The following ACRBP variants were observed in gnomAD, a reference collection of about 807,000 sequenced individuals.
ACRBP encodes the protein acrosin binding protein, also known as acrosin-binding protein.
A neutral mutation model predicts 69.0 loss-of-function variants in ACRBP; 52 were observed. The ratio of observed to expected loss-of-function variants is 0.75; its 90% CI spans 0.60 to 0.95. ACRBP has a LOEUF of 0.95. Among genes scored for constraint, ACRBP ranks in the 40% least tolerant of loss-of-function variants. ACRBP has a pLI of 0.00. For synonymous variants in ACRBP, 267 were observed against 258.9 expected (o/e 1.03, Z -0.30); for missense variants, 604 against 673.0 (o/e 0.90, Z 1.13).
At chr12:6,641,417 T>C (rs545522177) in intron 6 of ACRBP, among the ~76,000 whole-genome samples, 5 of 152,198 alleles carry the variant, frequency 3.3e-5, no homozygotes, top group African/African-American at 4.8e-5. Flanking sequence ...GAAATCTTTA[T>C]TGGATTCCCC....
rs780523464 is a variant in ACRBP, at chr12:6,646,463, A to G, written c.357+20T>C. 29 of 1,611,656 alleles carry G rather than the reference A, an allele frequency of 1.8e-5. 1 individual carries two copies. The Admixed American group carries it at 4.7e-4, about 26-fold the overall frequency. On this transcript the variant is annotated intron_variant, in intron 3 of 9. Coordinates refer to ENST00000229243, the MANE Select transcript of ACRBP (RefSeq NM_032489.3). ...CCTTGGCCCTGGGGCACCAAATCCA[A>G]CCTTTGTCCTGGGCCTCACCTTGGC...
chr12:6,644,399 C>A lies in ACRBP; in HGVS notation c.682G>T (p.Glu228Ter). Residue 228 changes from glutamate (E) to a stop codon, truncating the protein, a stop_gained, in exon 5 of 10, where the codon GAG (glutamate) becomes TAG (stop). Transcript: ENST00000229243. LOFTEE classifies it high-confidence loss of function. ...KQEEQEEEQEEEGKQEEGQGT... is the reference protein window; with the variant it reads ...KQEEQEEEQE ...TGTCCTTCTTCCTGCTTTCCCTCCT[C>A]TTCCTGTTCCTCTTCTTGCTCTTCC... is the stretch of plus-strand genomic sequence containing the variant. The A allele has an allele frequency of 1.9e-6, 3 of 1,614,084 alleles. No individual in the cohort carries two copies. The highest frequency in any genetic ancestry group is 1.7e-6 in the Non-Finnish European group (2 of 1,179,986).
At position 6,640,435 on chromosome 12, in the gene ACRBP, C is replaced by A; in HGVS notation, c.1165G>T (p.Ala389Ser). 1 of 1,614,154 alleles carries A rather than the reference C, an allele frequency of 6.2e-7. No homozygotes were observed. Among genetic ancestry groups the A allele is most frequent in the Non-Finnish European group, 8.5e-7 (1 of 1,180,014 alleles). The stretch of plus-strand genomic sequence containing the variant: ...TCGCATTGTTGCCGCTGCAGGCTGG[C>A]CTCTGAGTGGCACTGCTCCAGCTTC... ...SLKLEQCHSE[A>S]SLQRQQCDTS... is the part of the protein sequence containing the mutation. Residue 389 changes from alanine to serine, a missense_variant, in exon 7 of 10, where the codon GCC (alanine) becomes TCC (serine). Ala to Ser is a moderately conservative substitution (Grantham distance 99). This residue lies in a region of ACRBP where 532 missense variants were observed against 562.9 expected (regional missense o/e 0.95). Transcript: ENST00000229243. This position sits in a 1 kb window ranked among gnomAD's most constrained non-coding sequence, Gnocchi z 5.3.
At chr12:6,638,448 G>C in intron 9 of ACRBP, 44 bp from the exon 10 acceptor site, 1 of 1,612,526 alleles carries the variant, frequency 6.2e-7, no homozygotes, top group Non-Finnish European at 8.5e-7. Flanking sequence ...ACAGAGCCAG[G>C]TGCCAGGAGT....
At chr12:6,643,188 G>A (rs1949065502) in intron 6 of ACRBP, among the ~76,000 whole-genome samples, 1 of 152,124 alleles carries the variant, frequency 6.6e-6, no homozygotes, top group African/African-American at 2.4e-5. Flanking sequence ...AGCCCAGGTG[G>A]TCAAGGCTGC....
chr12:6,645,165 G>T, intron 4 of ACRBP, 55 bp downstream of exon 4: 2 of 1,386,576 alleles, frequency 1.4e-6, no homozygotes, highest in Non-Finnish European at 2.0e-6. Context: ...TACGTTGTGG[G>T]CTCTGGGAGT....
rs777709026 is a variant in ACRBP at position 6,640,182 on chromosome 12, C to T, written c.1303G>A (p.Gly435Ser). The T allele has an allele frequency of 2.0e-5, 33 of 1,614,034 alleles. No individual in the cohort carries two copies. The highest frequency in any genetic ancestry group is 1.3e-4 in the South Asian group (12 of 91,084). Residue 435 changes from glycine to serine, a missense_variant, in exon 8 of 10, where the codon GGT becomes AGT. Transcript: ENST00000229243. This position sits in a 1 kb window ranked among gnomAD's most constrained non-coding sequence, Gnocchi z 5.3. Reference sequence around the variant, plus strand: ...CACCAGAAGTCCATGTGGAGCCCACCGTACAAATCCAGCCCGTAAAAGCGG... The same window carrying T: ...CACCAGAAGTCCATGTGGAGCCCACTGTACAAATCCAGCCCGTAAAAGCGG... ...SGRFYGLDLYGGLHMDFWCAR... is the reference protein window; with the variant it reads ...SGRFYGLDLYSGLHMDFWCAR...
In ACRBP at chr12:6,638,290, A is replaced by T. The variant is rs1210236089; in HGVS notation, c.1624T>A (p.Phe542Ile). The T allele has an allele frequency of 6.2e-7, 1 of 1,613,972 alleles. No homozygotes were observed. The highest frequency in any genetic ancestry group is 1.3e-5 in the African/African-American group (1 of 74,900). The stretch of plus-strand genomic sequence containing the variant: ...GCAGAATAGACGCCAGCTCATCCGA[A>T]CTGGCCTAGAGTCAAGGTGCTGAAC... ...QEFSTLTLGQFG is the reference protein window; with the variant it reads ...QEFSTLTLGQIG Residue 542 changes from phenylalanine (F) to isoleucine (I), a missense_variant, in exon 10 of 10, where the codon TTC (phenylalanine) becomes ATC (isoleucine). Phe to Ile is a conservative substitution (Grantham distance 21, BLOSUM62 0). Transcript: ENST00000229243.
Position 6,646,965 on chromosome 12 carries a change from C to G in ACRBP, c.91G>C (p.Ala31Pro). The G allele has an allele frequency of 1.2e-6, 2 of 1,613,014 alleles. No individual in the cohort carries two copies. The highest frequency in any genetic ancestry group is 2.2e-5 in the South Asian group (2 of 91,076). The stretch of plus-strand genomic sequence containing the variant: ...GAGAGAGGGCTGCCTGGAGTGGAGG[C>G]CTGAGTCGAATCCTGGGCTGCGGCA... ...APAAAQDSTQASTPGSPLSPT... is the reference protein window; with the variant it reads ...APAAAQDSTQPSTPGSPLSPT... Residue 31 changes from alanine (A) to proline (P), a missense_variant, in exon 2 of 10, where the codon GCC (alanine) becomes CCC (proline). Around this residue, in one of 3 missense-constraint regions of ACRBP, gnomAD observed 532 missense variants for 562.9 expected, o/e 0.95. Transcript: ENST00000229243.
chr12:6,641,839 G>A (rs1949055298), intron 6 of ACRBP, among the ~76,000 whole-genome samples: 2 of 152,140 alleles, frequency 1.3e-5, no homozygotes, highest in South Asian at 2.1e-4. Context: ...CATGAGCCCA[G>A]GAGTTTGAGA....
rs1949044163 is a variant in ACRBP, at chr12:6,640,365, TG to T, written c.1234del (p.Gln412ArgfsTer9). On this transcript the variant is annotated frameshift_variant, in exon 7 of 10. Coordinates refer to ENST00000229243, the MANE Select transcript of ACRBP (RefSeq NM_032489.3). LOFTEE classifies it high-confidence loss of function. The surrounding 1 kb of genome is among the most constrained non-coding windows in gnomAD (Gnocchi z 5.3). ...TPFVSPLLAS[Q>X]SLSIGNQVGS... ...TACCTGGTTGCCGATGGACAGGCTCTGGGAGGCAAGCAAGGGGCTGACAAAG... is the reference window on the plus strand; with the variant it reads ...TACCTGGTTGCCGATGGACAGGCTCTGGAGGCAAGCAAGGGGCTGACAAAG... The T allele has an allele frequency of 6.2e-7, 1 of 1,613,976 alleles. No homozygotes were observed. Among genetic ancestry groups the T allele is most frequent in the Non-Finnish European group, 8.5e-7 (1 of 1,180,010 alleles).
Position 6,646,999 on chromosome 12 carries a change from A to G in ACRBP, c.57T>C (p.Pro19=), listed in dbSNP as rs763551765. The G allele has an allele frequency of 3.7e-6, 6 of 1,609,946 alleles. No individual in the cohort carries two copies. Among genetic ancestry groups the G allele is most frequent in the African/African-American group, 1.3e-5 (1 of 74,898 alleles). ...AATCCTGGGCTGCGGCAGGTGCCAG[A>G]GGCAGGAGCAGCACTGCGGAGCGGG... ...LPSLLKVLLL[P]LAPAAAQDST... The change falls in exon 2 of 10, where the codon CCT becomes CCC. Residue 19 remains proline, a synonymous_variant. Coordinates refer to ENST00000229243, the MANE Select transcript of ACRBP (RefSeq NM_032489.3).
rs545151572 is a variant in ACRBP, at chr12:6,645,971, T to G, written c.357+512A>C. Among the ~76,000 whole-genome samples, 8 of 151,562 alleles carry G rather than the reference T, an allele frequency of 5.3e-5. No homozygotes were observed. In the East Asian group the frequency reaches 1.4e-3, roughly 26 times the overall value. On this transcript the variant is annotated intron_variant, in intron 3 of 9. Coordinates refer to ENST00000229243, the MANE Select transcript of ACRBP (RefSeq NM_032489.3). Reference sequence around the variant, plus strand: ...CACCGCACTCGTCCCTGTTGTTGTTTTTTTTTGAGACACAGTCTTGCTCTG... The same window carrying G: ...CACCGCACTCGTCCCTGTTGTTGTTGTTTTTTGAGACACAGTCTTGCTCTG...
At position 6,638,196 on chromosome 12, in the gene ACRBP, A is replaced by C; in HGVS notation, c.*86T>G. 1 of 1,567,936 alleles carries C rather than the reference A, an allele frequency of 6.4e-7. No individual in the cohort carries two copies. Among genetic ancestry groups the C allele is most frequent in the Non-Finnish European group, 8.7e-7 (1 of 1,152,474 alleles). On this transcript the variant is annotated 3_prime_UTR_variant, in exon 10 of 10. Transcript: ENST00000229243. ...AGTAGGGGCCGAGTAACAGACCCAG[A>C]AGGGGCAGCCTGAAAGCAATGGGGT... is the stretch of plus-strand genomic sequence containing the variant.
At chr12:6,641,324 G>A (rs1050025156) in intron 6 of ACRBP, among the ~76,000 whole-genome samples, 1 of 152,168 alleles carries the variant, frequency 6.6e-6, no homozygotes, top group Non-Finnish European at 1.5e-5. Flanking sequence ...TCCCCCATGG[G>A]CACAGCCTGT....
chr12:6,644,837 T>C (rs1949076886), intron 4 of ACRBP, among the ~76,000 whole-genome samples: 1 of 152,190 alleles, frequency 6.6e-6, no homozygotes, highest in African/African-American at 2.4e-5. Context: ...CCTCCTTCCC[T>C]AACTTCCACC....
chr12:6,644,625 G>A lies in ACRBP; in HGVS notation c.476-20C>T. ...CTGTCACTACAGCAGGGTTTAGAGA[G>A]AAGGGAGAGAGACAGTCAGGCTTCT... On this transcript the variant is annotated intron_variant, in intron 4 of 9. Coordinates refer to ENST00000229243, the MANE Select transcript of ACRBP (RefSeq NM_032489.3). 6.3e-7 allele frequency: 1 copy of A among 1,587,566 alleles called. No individual in the cohort carries two copies. Among genetic ancestry groups the A allele is most frequent in the East Asian group, 2.2e-5 (1 of 44,686 alleles).
chr12:6,640,063 G>A lies in ACRBP; in HGVS notation c.1422C>T (p.Thr474=), dbSNP rs1245570127. The A allele has an allele frequency of 2.5e-6, 4 of 1,614,134 alleles. No individual in the cohort carries two copies. In the African/African-American group the frequency reaches 4.0e-5, roughly 16 times the overall value. ...FLSFQDGDFP[T]KICDTDYIQY... ...AGCTTTGGGGAAAGGTTCTAACCTT[G>A]GTAGGGAAATCCCCATCCTGGAAGC... is the stretch of plus-strand genomic sequence containing the variant. The change falls in exon 8 of 10, where the codon ACC becomes ACT. Residue 474 remains threonine, a synonymous_variant. Coordinates refer to ENST00000229243, the MANE Select transcript of ACRBP (RefSeq NM_032489.3). This position sits in a 1 kb window ranked among gnomAD's most constrained non-coding sequence, Gnocchi z 5.3.
At chr12:6,647,222 G>A in intron 1 of ACRBP, 102 bp downstream of exon 1, 1 of 1,380,514 alleles carries the variant, frequency 7.2e-7, no homozygotes, top group Non-Finnish European at 9.9e-7. Context: ...GACCCAGCGC[G>A]ACCACCATGA....
Sources: gnomAD v4.1 joint callset for allele counts (sites outside exome capture counted in the v4.1 genomes callset) on GRCh38, gnomAD v4.1.1 for gene constraint, gnomAD v4.1.1 regional missense constraint, Gnocchi (gnomAD v3.1) non-coding constraint, MANE v1.5 for transcripts, NCBI Gene and HGNC (gene_info 2026-07-23, HGNC 2026-07-21) for gene names.